Variants in IL1RAPL2 observed in about 807,000 individuals in gnomAD.
The protein encoded by IL1RAPL2 is X-linked interleukin-1 receptor accessory protein-like 2.
IL1RAPL2 carries 3 observed loss-of-function variants against 44.1 expected under a neutral mutation model. That is an observed-to-expected ratio of 0.07 (90% CI 0.03 to 0.18). The LOEUF is 0.18. IL1RAPL2 is among the 10% of genes least tolerant of loss of function. IL1RAPL2 has a pLI of 1.00. For missense variants in IL1RAPL2, 391 were observed against 496.4 expected (o/e 0.79, Z 2.02); for synonymous variants, 181 against 178.8 (o/e 1.01, Z -0.10).
At chrX:104,615,655 A>G (rs1256707489) in intron 1 of IL1RAPL2, among the ~76,000 whole-genome samples, 3 of 111,311 alleles carry the variant, frequency 2.7e-5, no homozygotes, top group Middle Eastern at 4.2e-3. Flanking sequence ...GATTCCATGT[A>G]TTTGCTATTG....
intron 2 of IL1RAPL2, among the ~76,000 whole-genome samples, chrX:104,888,375 G>A (rs1428821315): frequency 3.7e-5 from 4 of 108,959 alleles, no homozygotes; most frequent in Non-Finnish European, 7.7e-5. Context: ...AGACAAAAAG[G>A]GAGTCAGAAA....
At chrX:105,059,599 C>T (rs888359449) in intron 2 of IL1RAPL2, among the ~76,000 whole-genome samples, 4 of 111,373 alleles carry the variant, frequency 3.6e-5, no homozygotes, top group Non-Finnish European at 7.5e-5. Flanking sequence ...AGCACAGTCT[C>T]GGCTCACTGC....
intron 2 of IL1RAPL2, among the ~76,000 whole-genome samples, chrX:104,874,279 C>CTCTCTCTCTCT (rs1922844945): frequency 1.3e-5 from 1 of 76,312 alleles, no homozygotes. Context: ...TGTCTGTATT[C>CTCTCTCTCTCT]CTCTCTCTCT....
At chrX:105,421,746 G>A (rs922367299) in intron 5 of IL1RAPL2, among the ~76,000 whole-genome samples, 2 of 111,486 alleles carry the variant, frequency 1.8e-5, no homozygotes. Context: ...GGTTTATGTA[G>A]GTAAATAGGT....
chrX:104,931,978 G>GTA lies in IL1RAPL2; in HGVS notation c.83-263479_83-263478dup, dbSNP rs1161286401. Among the ~76,000 whole-genome samples, 52 of 56,969 alleles carry GTA rather than the reference G, an allele frequency of 9.1e-4. 1 individual carries two copies. Among genetic ancestry groups the GTA allele is most frequent in the African/African-American group, 2.3e-3 (37 of 16,016 alleles). 49.5% of individuals were successfully genotyped at this position (56,969 alleles called of 115,157 possible). ...TGTGTGTGTGTGTGTGTGTGTGTTT[G>GTA]TATATATATATATATATATTTTTTT... is the stretch of plus-strand genomic sequence containing the variant. On this transcript the variant is annotated intron_variant, in intron 2 of 10. Coordinates refer to ENST00000372582, the MANE Select transcript of IL1RAPL2 (RefSeq NM_017416.2).
chrX:105,425,092 C>G (rs995747191), intron 5 of IL1RAPL2, among the ~76,000 whole-genome samples: 4 of 110,961 alleles, frequency 3.6e-5, no homozygotes, highest in Non-Finnish European at 7.6e-5. Flanking sequence ...AGAGAACAGT[C>G]AAATTAGAGG....
chrX:104,745,429 G>A (rs1216278754), intron 2 of IL1RAPL2, among the ~76,000 whole-genome samples: 1 of 112,043 alleles, frequency 8.9e-6, no homozygotes, highest in Admixed American at 9.4e-5. Flanking sequence ...TCATTAAGCA[G>A]TGATTTGATT....
chrX:105,343,157 A>G (rs377211550), intron 5 of IL1RAPL2, among the ~76,000 whole-genome samples: 4 of 112,115 alleles, frequency 3.6e-5, no homozygotes, highest in South Asian at 7.4e-4. Context: ...TCAGAAAATC[A>G]TTAGACACAG....
intron 6 of IL1RAPL2, among the ~76,000 whole-genome samples, chrX:105,539,171 A>G (rs2147796384): frequency 9.0e-6 from 1 of 111,704 alleles, no homozygotes; most frequent in Admixed American, 9.5e-5. Flanking sequence ...TATTTTTCAC[A>G]GAAAAATGTT....
intron 2 of IL1RAPL2, among the ~76,000 whole-genome samples, chrX:104,714,380 A>T (rs766751850): frequency 9.0e-6 from 1 of 110,880 alleles, no homozygotes; most frequent in South Asian, 3.8e-4. Flanking sequence ...CAGGTGGAAA[A>T]AATTGAATCA....
At chrX:104,893,280 G>A (rs938550827) in intron 2 of IL1RAPL2, among the ~76,000 whole-genome samples, 1 of 111,891 alleles carries the variant, frequency 8.9e-6, no homozygotes, top group African/African-American at 3.3e-5. Context: ...GATTTGGGGT[G>A]GAGAGTTCTG....
At chrX:105,060,365 T>C (rs943441465) in intron 2 of IL1RAPL2, among the ~76,000 whole-genome samples, 5 of 111,895 alleles carry the variant, frequency 4.5e-5, no homozygotes, top group African/African-American at 1.6e-4. Flanking sequence ...AATGCTTGTA[T>C]GGTTTTATCC....
chrX:104,899,025 T>C (rs1424284769), intron 2 of IL1RAPL2, among the ~76,000 whole-genome samples: 1 of 112,158 alleles, frequency 8.9e-6, no homozygotes, highest in Non-Finnish European at 1.9e-5. Flanking sequence ...ACAGATTAAG[T>C]CGTAGTATTG....
chrX:105,143,390 A>G (rs1488719728), intron 2 of IL1RAPL2, among the ~76,000 whole-genome samples: 5 of 112,345 alleles, frequency 4.5e-5, no homozygotes, highest in African/African-American at 6.5e-5. Flanking sequence ...CAAAACTACA[A>G]TGAGATAACA....
chrX:105,442,919 T>C (rs966948838), intron 5 of IL1RAPL2, among the ~76,000 whole-genome samples: 15 of 110,876 alleles, frequency 1.4e-4, no homozygotes, highest in African/African-American at 4.9e-4. Context: ...CTACTAAAAA[T>C]ACAAAAAGTA....
chrX:105,163,609 T>C (rs780483566), intron 2 of IL1RAPL2, among the ~76,000 whole-genome samples: 19 of 112,142 alleles, frequency 1.7e-4, no homozygotes, highest in Non-Finnish European at 2.3e-4. Flanking sequence ...TACATTGAGT[T>C]AGCAGAATCT....
chrX:105,510,432 A>G (rs2036461169), intron 6 of IL1RAPL2, among the ~76,000 whole-genome samples: 1 of 111,104 alleles, frequency 9.0e-6, no homozygotes, highest in Non-Finnish European at 1.9e-5. Flanking sequence ...GCTAGGTATG[A>G]GTTTTGGTAA....
At chrX:104,690,912 C>T (rs1035100102) in intron 2 of IL1RAPL2, among the ~76,000 whole-genome samples, 1 of 111,891 alleles carries the variant, frequency 8.9e-6, no homozygotes, top group Non-Finnish European at 1.9e-5. Context: ...GATACAAAGG[C>T]ATCCAGCCTG....
intron 2 of IL1RAPL2, among the ~76,000 whole-genome samples, chrX:105,113,734 A>T (rs1011246367): frequency 2.7e-5 from 3 of 111,670 alleles, no homozygotes; most frequent in African/African-American, 9.8e-5. Flanking sequence ...ATTGTAGATT[A>T]TATATGAAAT....
Sources: gnomAD v4.1 joint callset for allele counts (sites outside exome capture counted in the v4.1 genomes callset) on GRCh38, gnomAD v4.1.1 for gene constraint, MANE v1.5 for transcripts, NCBI Gene and HGNC (gene_info 2026-07-23, HGNC 2026-07-21) for gene names.